The following LARGE1 variants were observed in gnomAD, a reference collection of about 807,000 sequenced individuals.
LARGE1 encodes the protein LARGE xylosyl- and glucuronyltransferase 1, also known as xylosyl- and glucuronyltransferase LARGE1.
A neutral mutation model predicts 87.6 loss-of-function variants in LARGE1; 43 were observed. The observed-to-expected ratio is 0.49, with a 90% confidence interval of 0.38 to 0.63. LARGE1 has a LOEUF of 0.63. Ranked by LOEUF, LARGE1 falls within the 30% of genes least tolerant of loss-of-function variation. The probability of loss-of-function intolerance (pLI) is 0.00; values close to 1 mark genes in which losing one functional copy is unlikely to be tolerated. For synonymous variants in LARGE1, 434 were observed against 394.6 expected, an observed-to-expected ratio of 1.10 and a Z score of -1.18; for missense variants, 802 against 1,000.2, an observed-to-expected ratio of 0.80 and a Z score of 2.67.
intron 6 of LARGE1, among the ~76,000 whole-genome samples, chr22:33,558,292 C>T (rs533733706): frequency 1.3e-5 from 2 of 151,980 alleles, no homozygotes; most frequent in East Asian, 3.9e-4. Context: ...GCTAACAGGG[C>T]GGGGGACACT....
At chr22:33,906,973 A>C (rs1429223923) in intron 1 of LARGE1, among the ~76,000 whole-genome samples, 1 of 152,078 alleles carries the variant, frequency 6.6e-6, no homozygotes, top group African/African-American at 2.4e-5. Context: ...CTGTATTTCC[A>C]AAGGAGTTAT....
chr22:33,915,590 T>C (rs145043578), intron 1 of LARGE1, among the ~76,000 whole-genome samples: 7 of 152,338 alleles, frequency 4.6e-5, no homozygotes, highest in Admixed American at 3.9e-4. Flanking sequence ...TAATAGTTTT[T>C]TAAAGAATAG....
chr22:33,225,694 A>AT (rs902614862), intron 11 of LARGE1, among the ~76,000 whole-genome samples: 5 of 151,390 alleles, frequency 3.3e-5, no homozygotes, highest in South Asian at 2.1e-4. Flanking sequence ...CCCAATAGTT[A>AT]TTTTTTTTCT....
chr22:33,141,060 A>G, the LARGE1 span, among the ~76,000 whole-genome samples: 92 of 152,294 alleles, frequency 6.0e-4, 2 homozygotes, highest in African/African-American at 2.0e-3. Context: ...TCATGCCGCC[A>G]TCCTGGAGAT....
intron 1 of LARGE1, among the ~76,000 whole-genome samples, chr22:33,773,217 G>A (rs1022158010): frequency 7.9e-5 from 12 of 152,206 alleles, no homozygotes; most frequent in Non-Finnish European, 1.0e-4. Flanking sequence ...GTGATCCTCT[G>A]GCCTGTCAAA....
At chr22:33,310,350 C>T (rs187494107) in intron 11 of LARGE1, among the ~76,000 whole-genome samples, 21 of 152,274 alleles carry the variant, frequency 1.4e-4, no homozygotes, top group African/African-American at 3.8e-4. Context: ...ACTAAAGAAC[C>T]AGGCTCTCCC....
intron 13 of LARGE1, among the ~76,000 whole-genome samples, chr22:33,281,224 G>A (rs1249061760): frequency 6.6e-6 from 1 of 152,148 alleles, no homozygotes; most frequent in Non-Finnish European, 1.5e-5. Context: ...GCTGTGAAAT[G>A]AGTTCTCGGT....
chr22:33,495,983 G>C (rs1173208882), intron 6 of LARGE1, among the ~76,000 whole-genome samples: 1 of 152,092 alleles, frequency 6.6e-6, no homozygotes, highest in Non-Finnish European at 1.5e-5. Flanking sequence ...TCTATAAAGG[G>C]AAGTTATTAA....
chr22:33,270,319 A>T (rs1312166889), downstream of LARGE1, among the ~76,000 whole-genome samples: 1 of 151,856 alleles, frequency 6.6e-6, no homozygotes, highest in Non-Finnish European at 1.5e-5. Context: ...GTTAAAAAAA[A>T]TGAGGAAAAC....
intron 5 of LARGE1, among the ~76,000 whole-genome samples, chr22:33,581,422 T>C (rs1183216976): frequency 6.6e-6 from 1 of 152,210 alleles, no homozygotes; most frequent in Non-Finnish European, 1.5e-5. Flanking sequence ...GATGAAAACT[T>C]GAAATGTTTC....
At chr22:33,604,316 G>A (rs1165225405) in intron 5 of LARGE1, 119 bp downstream of exon 5, 3 of 1,320,390 alleles carry the variant, frequency 2.3e-6, no homozygotes, top group Admixed American at 1.7e-5. Context: ...ACTTCCTTAC[G>A]CCCTACACAT....
chr22:33,663,078 T>C (rs1437059282), intron 2 of LARGE1, among the ~76,000 whole-genome samples: 2 of 152,182 alleles, frequency 1.3e-5, no homozygotes, highest in East Asian at 3.9e-4. Context: ...TTTTTCACCC[T>C]TTCCTGACAA....
intron 11 of LARGE1, among the ~76,000 whole-genome samples, chr22:33,199,962 C>T (rs1353495886): frequency 1.3e-5 from 2 of 151,990 alleles, no homozygotes; most frequent in East Asian, 1.9e-4. Context: ...CAATTCTCTG[C>T]TTCAGCCTCC....
At chr22:33,177,313 AT>A (rs1437782306) in intron 11 of LARGE1, among the ~76,000 whole-genome samples, 1 of 152,160 alleles carries the variant, frequency 6.6e-6, no homozygotes, top group African/African-American at 2.4e-5. Context: ...ATAATAAAAA[AT>A]TATAATTTAT....
intron 3 of LARGE1, among the ~76,000 whole-genome samples, chr22:33,637,751 C>A (rs921434424): frequency 6.6e-6 from 1 of 152,174 alleles, no homozygotes; most frequent in African/African-American, 2.4e-5. Flanking sequence ...CAGATGACTG[C>A]AACCCCTGAT....
the LARGE1 span, among the ~76,000 whole-genome samples, chr22:33,131,053 AAAAAAAAAGT>A: frequency 6.6e-6 from 1 of 150,554 alleles, no homozygotes; most frequent in East Asian, 1.9e-4. Flanking sequence ...AAAAAAAAAA[AAAAAAAAAGT>A]AACTATCGAA....
At chr22:33,525,666 C>T (rs139415308) in intron 6 of LARGE1, among the ~76,000 whole-genome samples, 55 of 152,252 alleles carry the variant, frequency 3.6e-4, no homozygotes, top group African/African-American at 1.3e-3. Flanking sequence ...CATACTGGAT[C>T]CACTCATTAT....
intron 10 of LARGE1, among the ~76,000 whole-genome samples, chr22:33,328,821 T>C (rs1569061082): frequency 2.0e-5 from 3 of 152,096 alleles, no homozygotes; most frequent in Admixed American, 2.0e-4. Context: ...TAGAGTTAGG[T>C]AGACCTGGTT....
chr22:33,650,584 C>T lies in LARGE1; in HGVS notation c.191G>A (p.Ser64Asn). 6.2e-7 allele frequency: 1 copy of T among 1,606,228 alleles called. No homozygotes were observed. The highest frequency in any genetic ancestry group is 2.2e-5 in the East Asian group (1 of 44,874). Residue 64 changes from serine to asparagine, a missense_variant, in exon 3 of 15, where the codon AGC (serine) becomes AAC (asparagine). By Grantham distance (46) the Ser-to-Asn change is conservative (BLOSUM62 1). Around this residue, in one of 2 missense-constraint regions of LARGE1, gnomAD observed 177 missense variants for 158.3 expected, o/e 1.12. Coordinates refer to ENST00000397394, the MANE Select transcript of LARGE1 (RefSeq NM_133642.5). ...CACCTCGCGCATGCGCACCTCCAGG[C>T]TCTCGCGCTCCCGCTGGCTGGAGGC... ...YTASSQRERE[S>N]LEVRMREVEE...
Sources: gnomAD v4.1 joint callset for allele counts (sites outside exome capture counted in the v4.1 genomes callset) on GRCh38, gnomAD v4.1.1 for gene constraint, gnomAD v4.1.1 regional missense constraint, MANE v1.5 for transcripts, NCBI Gene and HGNC (gene_info 2026-07-23, HGNC 2026-07-21) for gene names.